The following OMA1 variants were observed in gnomAD, a reference collection of about 807,000 sequenced individuals.
OMA1 encodes the protein metalloendopeptidase OMA1, mitochondrial.
In OMA1, 38 loss-of-function variants were observed where a neutral mutation model predicts 30.9. The ratio of observed to expected loss-of-function variants is 1.23; its 90% CI spans 0.95 to 1.61. The LOEUF (loss-of-function observed/expected upper bound fraction) is 1.61, where lower values mean the gene tolerates loss of function less well. Ranked by LOEUF, OMA1 falls within the 40% of genes most tolerant of loss-of-function variation. The pLI is 0.00. For missense variants in OMA1, 461 were observed against 349.2 expected (o/e 1.32, Z -2.55); for synonymous variants, 173 against 121.9 (o/e 1.42, Z -2.76).
chr1:58,520,556 C>A (rs1646246266), intron 7 of OMA1, among the ~76,000 whole-genome samples: 1 of 152,084 alleles, frequency 6.6e-6, no homozygotes, highest in African/African-American at 2.4e-5. Flanking sequence ...AAGATAAAAA[C>A]AACAGCAATG....
chr1:58,481,053 G>A lies in OMA1; in HGVS notation c.1487C>T (p.Thr496Met), dbSNP rs147562724. The change falls in exon 9 of 9, where the codon ACG becomes ATG. Residue 496 changes from threonine (T) to methionine (M), a missense_variant. By Grantham distance (81) the Thr-to-Met change is moderately conservative. Coordinates refer to ENST00000371226, the MANE Select transcript of OMA1 (RefSeq NM_145243.5). ...EESEKEDLNI[T>M]KKQKMDTLPI... is the part of the protein sequence containing the mutation. The stretch of plus-strand genomic sequence containing the variant: ...AAGAGTATCCATTTTCTGTTTCTTC[G>A]TGATATTTAGGTCTTCTTTCTCTGA... The A allele has an allele frequency of 1.1e-4, 93 of 871,426 alleles. No individual in the cohort carries two copies. The highest frequency in any genetic ancestry group is 9.8e-5 in the African/African-American group (6 of 61,176). 54.0% of individuals were successfully genotyped at this position (871,426 alleles called of 1,614,324 possible). A position where few individuals can be genotyped will look rare whatever the true frequency, so the allele number is the denominator to read the frequency against.
At chr1:58,534,373 C>A in intron 3 of OMA1, 42 bp from the exon 4 acceptor site, 1 of 784,970 alleles carries the variant, frequency 1.3e-6, no homozygotes, top group Non-Finnish European at 2.2e-6. Context: ...AAGAGCACTA[C>A]AAAATGCTTA....
chr1:58,506,029 T>C (rs771558344), intron 8 of OMA1, 31 bp downstream of exon 8: 2 of 817,548 alleles, frequency 2.4e-6, no homozygotes, highest in Admixed American at 1.8e-5. Flanking sequence ...ACAGTAAAAA[T>C]AATGTCCCGC....
chr1:58,509,820 T>G (rs2100424491), intron 7 of OMA1, among the ~76,000 whole-genome samples: 1 of 152,028 alleles, frequency 6.6e-6, no homozygotes, highest in South Asian at 2.1e-4. Flanking sequence ...AGCATACCAT[T>G]GTAACTGATA....
chr1:58,491,914 C>T (rs1645700041), intron 8 of OMA1, among the ~76,000 whole-genome samples: 1 of 152,122 alleles, frequency 6.6e-6, no homozygotes, highest in Admixed American at 6.5e-5. Flanking sequence ...ACCAAGTGGA[C>T]CTAATAGACA....
At chr1:58,520,055 T>G (rs571655519) in intron 7 of OMA1, among the ~76,000 whole-genome samples, 1 of 151,982 alleles carries the variant, frequency 6.6e-6, no homozygotes, top group African/African-American at 2.4e-5. Flanking sequence ...TGACTACACA[T>G]GGACACAAAG....
At chr1:58,491,657 A>G (rs1037666453) in intron 8 of OMA1, among the ~76,000 whole-genome samples, 9 of 152,188 alleles carry the variant, frequency 5.9e-5, no homozygotes, top group African/African-American at 2.2e-4. Flanking sequence ...AAAGATCAAA[A>G]GAGACAAAGA....
intron 8 of OMA1, among the ~76,000 whole-genome samples, chr1:58,493,605 C>T (rs1474745023): frequency 6.6e-6 from 1 of 151,554 alleles, no homozygotes; most frequent in African/African-American, 2.4e-5. Context: ...AAATCACAAG[C>T]ATTCTTATAC....
chr1:58,532,949 T>C (rs1012378369), intron 5 of OMA1, among the ~76,000 whole-genome samples: 1 of 152,248 alleles, frequency 6.6e-6, no homozygotes, highest in Non-Finnish European at 1.5e-5. Flanking sequence ...ACAGGTAGAA[T>C]TTGAGATTAC....
At chr1:58,482,078 T>C (rs547365298) in intron 8 of OMA1, among the ~76,000 whole-genome samples, 1 of 152,292 alleles carries the variant, frequency 6.6e-6, no homozygotes, top group South Asian at 2.1e-4. Flanking sequence ...CAGTGTACTA[T>C]GGGGCTCAGC....
rs1406432301 is a variant in OMA1 at position 58,492,793 on chromosome 1, A to G, written c.1366-11619T>C. On this transcript the variant is annotated intron_variant, in intron 8 of 8. Coordinates refer to ENST00000371226, the MANE Select transcript of OMA1 (RefSeq NM_145243.5). Reference sequence around the variant, plus strand: ...TAATTAATAGCTTACCAACCAAAAAAAGTCCAGGACCAGATGGATTCACAG... The same window carrying G: ...TAATTAATAGCTTACCAACCAAAAAGAGTCCAGGACCAGATGGATTCACAG... Among the ~76,000 whole-genome samples, 12 of 152,256 alleles carry G rather than the reference A, an allele frequency of 7.9e-5. No homozygotes were observed. In the South Asian group the frequency reaches 1.7e-3, roughly 21 times the overall value.
intron 3 of OMA1, among the ~76,000 whole-genome samples, chr1:58,534,552 G>A (rs574557849): frequency 6.6e-6 from 1 of 152,112 alleles, no homozygotes; most frequent in Non-Finnish European, 1.5e-5. Flanking sequence ...GTTTTTTTAT[G>A]AATAGATTGA....
chr1:58,544,624 C>T (rs1478717259), intron 1 of OMA1, among the ~76,000 whole-genome samples: 2 of 152,182 alleles, frequency 1.3e-5, no homozygotes, highest in Non-Finnish European at 2.9e-5. Context: ...CAGGGTCTCA[C>T]TTTGTCGTTG....
At position 58,518,354 on chromosome 1, in the gene OMA1, G is replaced by GAAGA. The variant is rs1428140129; in HGVS notation, c.1215+8906_1215+8907insTCTT. Among the ~76,000 whole-genome samples the GAAGA allele has an allele frequency of 7.8e-3, 251 of 32,212 alleles. 3 individuals are homozygous for GAAGA. The highest frequency in any genetic ancestry group is 0.013 in the Non-Finnish European group (166 of 12,558). 21.1% of individuals were successfully genotyped at this position (32,212 alleles called of 152,430 possible). ...AGAAGAGAAGAGAAGAGAAGAGAAG[G>GAAGA]GAAGGGAAGAGAAGAGAAGGGAAGA... On this transcript the variant is annotated intron_variant, in intron 7 of 8. Transcript: ENST00000371226.
intron 2 of OMA1, among the ~76,000 whole-genome samples, chr1:58,538,244 T>C (rs1646548582): frequency 6.6e-6 from 1 of 152,098 alleles, no homozygotes; most frequent in Non-Finnish European, 1.5e-5. Context: ...AAAATATTAT[T>C]ATAAAGGATC....
At chr1:58,491,942 C>A (rs1645701036) in intron 8 of OMA1, among the ~76,000 whole-genome samples, 1 of 152,148 alleles carries the variant, frequency 6.6e-6, no homozygotes, top group Non-Finnish European at 1.5e-5. Flanking sequence ...AACTCTCCAC[C>A]CCAAATCAAC....
intron 8 of OMA1, among the ~76,000 whole-genome samples, chr1:58,504,924 G>T (rs1645962956): frequency 6.6e-6 from 1 of 151,238 alleles, no homozygotes; most frequent in Admixed American, 6.6e-5. Flanking sequence ...CTCCGTATTT[G>T]TTGGGCTGAA....
intron 8 of OMA1, among the ~76,000 whole-genome samples, chr1:58,500,264 A>T (rs1295614388): frequency 1.3e-5 from 2 of 152,164 alleles, no homozygotes; most frequent in African/African-American, 4.8e-5. Context: ...ATTCAATTAC[A>T]GCAGCTGCTA....
intron 7 of OMA1, among the ~76,000 whole-genome samples, chr1:58,526,269 A>C (rs887508409): frequency 2.6e-5 from 4 of 152,090 alleles, no homozygotes; most frequent in Non-Finnish European, 5.9e-5. Flanking sequence ...TTTAACATTC[A>C]AAGAACTGAT....
Sources: allele counts gnomAD v4.1 joint callset (sites outside exome capture counted in the v4.1 genomes callset), GRCh38; gene constraint gnomAD v4.1.1; transcripts MANE v1.5; gene names NCBI Gene and HGNC (gene_info 2026-07-23, HGNC 2026-07-21).